Variants in DGKI observed in about 807,000 individuals in gnomAD.
DGKI encodes the protein diacylglycerol kinase iota.
Under a neutral mutation model 147.5 loss-of-function variants are expected in DGKI, and 55 were observed. The observed-to-expected ratio is 0.37, with a 90% CI of 0.30 to 0.47. The LOEUF (loss-of-function observed/expected upper bound fraction) is 0.47. Among genes scored for constraint, DGKI ranks in the 20% least tolerant of loss-of-function variants. The pLI is 1.00. For missense variants in DGKI, 1,007 were observed against 1,323.8 expected (o/e 0.76, Z 3.71); for synonymous variants, 469 against 477.1 (o/e 0.98, Z 0.22).
At chr7:137,794,006 C>T (rs1176369404) in intron 1 of DGKI, among the ~76,000 whole-genome samples, 1 of 152,158 alleles carries the variant, frequency 6.6e-6, no homozygotes, top group South Asian at 2.1e-4. Context: ...TAAACCCTCA[C>T]CTTGAGTTAA....
At chr7:137,404,088 T>C (rs546793929) in intron 30 of DGKI, among the ~76,000 whole-genome samples, 13 of 152,226 alleles carry the variant, frequency 8.5e-5, no homozygotes, top group African/African-American at 3.1e-4. Context: ...GATTACAGTA[T>C]TGAAAAAGGG....
chr7:137,530,281 A>C (rs1267325668), intron 20 of DGKI, among the ~76,000 whole-genome samples: 1 of 152,170 alleles, frequency 6.6e-6, no homozygotes, highest in African/African-American at 2.4e-5. Context: ...AATTCAGTTC[A>C]AAACACTCTT....
rs189421697 is a variant in DGKI at position 137,415,360 on chromosome 7, T to C, written c.2762-3153A>G. On this transcript the variant is annotated intron_variant, in intron 28 of 32. Transcript: ENST00000614521. ...ATAGCATTTGCATTAGATTAGGTAT[T>C]ATAAGTAATCTAAAGACGACTTGAA... Among the ~76,000 whole-genome samples, 19 of 152,318 alleles carry C rather than the reference T, an allele frequency of 1.2e-4. No individual in the cohort carries two copies. In the East Asian group the frequency reaches 3.3e-3, roughly 26 times the overall value.
chr7:137,415,334 T>C (rs776266131), intron 28 of DGKI, among the ~76,000 whole-genome samples: 2 of 152,232 alleles, frequency 1.3e-5, no homozygotes, highest in Non-Finnish European at 2.9e-5. Flanking sequence ...CAACTATTTA[T>C]ATAGCATTTG....
chr7:137,716,115 G>A (rs1005516158), intron 1 of DGKI, among the ~76,000 whole-genome samples: 3 of 152,186 alleles, frequency 2.0e-5, no homozygotes, highest in Non-Finnish European at 4.4e-5. Flanking sequence ...ATCACCCAAT[G>A]CTTTTGTGTA....
Position 137,645,462 on chromosome 7 carries a change from G to T in DGKI, c.804+10C>A. On this transcript the variant is annotated intron_variant, in intron 6 of 32. Coordinates refer to ENST00000614521, the MANE Select transcript of DGKI (RefSeq NM_001321708.2). The stretch of plus-strand genomic sequence containing the variant: ...CCTCCTGCGAGGCCATGAGGTGGCT[G>T]GGCTCTTACCTTACCACACTGCTTA... 6.2e-7 allele frequency: 1 copy of T among 1,611,824 alleles called. No individual in the cohort carries two copies. Among genetic ancestry groups the T allele is most frequent in the Non-Finnish European group, 8.5e-7 (1 of 1,178,808 alleles).
At chr7:137,517,283 G>A (rs555059882) in intron 21 of DGKI, among the ~76,000 whole-genome samples, 53 of 53,382 alleles carry the variant, frequency 9.9e-4, no homozygotes, top group Admixed American at 1.8e-3. Context: ...AAAAGAAAAA[G>A]AAAGAAAGAA....
chr7:137,577,409 G>A, intron 16 of DGKI, 125 bp from the exon 17 acceptor site: 1 of 701,254 alleles, frequency 1.4e-6, no homozygotes, highest in South Asian at 1.8e-5. Flanking sequence ...TTCTCTTTCT[G>A]CAGAATCCAA....
At chr7:137,465,718 A>T (rs1431371064) in intron 26 of DGKI, among the ~76,000 whole-genome samples, 190 bp downstream of exon 26, 1 of 152,232 alleles carries the variant, frequency 6.6e-6, no homozygotes, top group Non-Finnish European at 1.5e-5. Context: ...GACATGGTGT[A>T]AATCTGGTTT....
intron 5 of DGKI, among the ~76,000 whole-genome samples, chr7:137,646,079 G>T (rs1446527788): frequency 2.6e-5 from 4 of 152,244 alleles, no homozygotes; most frequent in East Asian, 3.9e-4. Context: ...GCAGGTAAAA[G>T]AAATACCCAA....
At chr7:137,637,652 A>C (rs1171864504) in intron 6 of DGKI, among the ~76,000 whole-genome samples, 1 of 152,240 alleles carries the variant, frequency 6.6e-6, no homozygotes, top group Non-Finnish European at 1.5e-5. Context: ...TCCAATTATT[A>C]ATCAGCAGAA....
intron 28 of DGKI, among the ~76,000 whole-genome samples, chr7:137,413,339 T>C (rs2882591): frequency 0.32 from 48,432 of 151,394 alleles, 8,990 homozygotes; most frequent in East Asian, 0.65. Flanking sequence ...GTTACAAGGA[T>C]ATATTGCATG....
chr7:137,836,088 C>G (rs748556673), intron 1 of DGKI, among the ~76,000 whole-genome samples: 12 of 151,964 alleles, frequency 7.9e-5, no homozygotes, highest in Non-Finnish European at 1.3e-4. Context: ...TATTAAGTAC[C>G]TAAATTTAGT....
Position 137,466,186 on chromosome 7 carries a change from C to T in DGKI, c.2485-151G>A, listed in dbSNP as rs189127321. 1.5e-4 allele frequency: 135 copies of T among 916,872 alleles called. No individual in the cohort carries two copies. The African/African-American group carries it at 1.6e-3, about 11-fold the overall frequency. 56.8% of individuals were successfully genotyped at this position (916,872 alleles called of 1,614,324 possible). A position where few individuals can be genotyped will look rare whatever the true frequency, so the allele number is the denominator to read the frequency against. On this transcript the variant is annotated intron_variant, in intron 25 of 32. Transcript: ENST00000614521. ...GTGATCCTCCCCAAAGCTGCGCTAA[C>T]GCAGACAGTGGGAGATAGGGAGAGA... is the stretch of plus-strand genomic sequence containing the variant.
intron 27 of DGKI, among the ~76,000 whole-genome samples, chr7:137,449,097 T>C (rs1302997293): frequency 6.6e-6 from 1 of 152,194 alleles, no homozygotes; most frequent in Non-Finnish European, 1.5e-5. Flanking sequence ...GTAATTCCTA[T>C]AAAAATACCA....
At position 137,505,175 on chromosome 7, in the gene DGKI, A is replaced by T. The variant is rs536136183; in HGVS notation, c.2248+16691T>A. Among the ~76,000 whole-genome samples the T allele has an allele frequency of 1.4e-3, 219 of 152,236 alleles. 1 individual carries two copies. Among genetic ancestry groups the T allele is most frequent in the Non-Finnish European group, 2.1e-3 (140 of 68,006 alleles). On this transcript the variant is annotated intron_variant, in intron 21 of 32. Transcript: ENST00000614521. ...AGAAGAAAAAACAAAAAGAAAACTG[A>T]TCTTAAATTTTGCACAAATTTCTGA...
At chr7:137,647,735 G>T (rs1821879595) in intron 5 of DGKI, among the ~76,000 whole-genome samples, 1 of 152,128 alleles carries the variant, frequency 6.6e-6, no homozygotes, top group Non-Finnish European at 1.5e-5. Context: ...GACACCTTTA[G>T]CATCTGCCTA....
intron 20 of DGKI, among the ~76,000 whole-genome samples, chr7:137,540,557 T>A (rs1817653480): frequency 6.6e-6 from 1 of 151,838 alleles, no homozygotes; most frequent in South Asian, 2.1e-4. Flanking sequence ...TGGTACCATG[T>A]GCCTGTAGTC....
chr7:137,609,625 G>GAA lies in DGKI; in HGVS notation c.994-18_994-17dup, dbSNP rs1820299921. 6.2e-7 allele frequency: 1 copy of GAA among 1,604,694 alleles called. No individual in the cohort carries two copies. The highest frequency in any genetic ancestry group is 1.7e-4 in the Middle Eastern group (1 of 5,974). On this transcript the variant is annotated splice_polypyrimidine_tract_variant and intron_variant, in intron 8 of 32. Transcript: ENST00000614521. ...TCAGGGAGTTCTGTAGGGAGAGAGA[G>GAA]AAATGCCTGAGCTCAGAGGCAGCCA...
Sources: gnomAD v4.1 joint callset for allele counts (sites outside exome capture counted in the v4.1 genomes callset) on GRCh38, gnomAD v4.1.1 for gene constraint, MANE v1.5 for transcripts, NCBI Gene and HGNC (gene_info 2026-07-23, HGNC 2026-07-21) for gene names.